C4orf17: variants seen among roughly 807,000 people sequenced by gnomAD.
C4orf17 encodes the protein chromosome 4 open reading frame 17.
A neutral mutation model predicts 32.0 loss-of-function variants in C4orf17; 25 were observed. The observed-to-expected ratio is 0.78, with a 90% CI of 0.57 to 1.09. C4orf17 has a LOEUF of 1.09. C4orf17 is among the 50% of genes least tolerant of loss of function. The pLI, the probability that C4orf17 is intolerant of heterozygous loss-of-function variation, is 0.00. For missense variants in C4orf17, 420 were observed against 420.0 expected (o/e 1.00, Z 0.00); for synonymous variants, 149 against 145.8 (o/e 1.02, Z -0.16).
intron 5 of C4orf17, among the ~76,000 whole-genome samples, chr4:99,531,005 G>T (rs72906789): frequency 0.025 from 3,728 of 151,848 alleles, 152 homozygotes; most frequent in African/African-American, 0.085. Flanking sequence ...CTCTTTATTG[G>T]CTCAGTGATC....
At position 99,513,081 on chromosome 4, in the gene C4orf17, C is replaced by G; in HGVS notation, c.-1C>G. 2 of 1,613,716 alleles carry G rather than the reference C, an allele frequency of 1.2e-6. No homozygotes were observed. Among genetic ancestry groups the G allele is most frequent in the South Asian group, 2.2e-5 (2 of 91,068 alleles). ...GAGGGGAAAATAAACACACCACAAA[C>G]ATGAACCTCAACCCCCCGACATCTG... On this transcript the variant is annotated 5_prime_UTR_variant, in exon 2 of 9. Coordinates refer to ENST00000326581, the MANE Select transcript of C4orf17 (RefSeq NM_032149.3).
intron 4 of C4orf17, among the ~76,000 whole-genome samples, chr4:99,527,638 T>C (rs1213971495): frequency 6.6e-6 from 1 of 152,218 alleles, no homozygotes; most frequent in East Asian, 1.9e-4. Flanking sequence ...CTAATGCCAC[T>C]GCTGATCTGA....
intron 4 of C4orf17, among the ~76,000 whole-genome samples, chr4:99,524,975 A>T (rs989660235): frequency 5.9e-5 from 9 of 152,302 alleles, no homozygotes; most frequent in Admixed American, 4.6e-4. Context: ...ACTCAGCATG[A>T]TTATTTTAAG....
intron 3 of C4orf17, among the ~76,000 whole-genome samples, chr4:99,524,228 G>A (rs181025667): frequency 7.9e-4 from 120 of 152,068 alleles, no homozygotes; most frequent in Admixed American, 2.2e-3. Flanking sequence ...TGATCCGCCC[G>A]CCTTGGCCTC....
At chr4:99,532,005 G>GT (rs1320039865) in intron 5 of C4orf17, among the ~76,000 whole-genome samples, 1 of 152,072 alleles carries the variant, frequency 6.6e-6, no homozygotes, top group Admixed American at 6.6e-5. Context: ...ACATAATTCC[G>GT]TGTCTATTAG....
At chr4:99,528,403 C>T (rs1211693277) in intron 4 of C4orf17, among the ~76,000 whole-genome samples, 1 of 151,982 alleles carries the variant, frequency 6.6e-6, no homozygotes, top group Admixed American at 6.6e-5. Context: ...CTCATTTTAT[C>T]TTTCTAATAT....
At chr4:99,515,453 C>A (rs1339447899) in intron 2 of C4orf17, among the ~76,000 whole-genome samples, 1 of 152,064 alleles carries the variant, frequency 6.6e-6, no homozygotes, top group Non-Finnish European at 1.5e-5. Flanking sequence ...GAACAGGAAA[C>A]CAAATATCAC....
chr4:99,527,697 A>G (rs1027195318), intron 4 of C4orf17, among the ~76,000 whole-genome samples: 1 of 152,206 alleles, frequency 6.6e-6, no homozygotes, highest in Non-Finnish European at 1.5e-5. Flanking sequence ...CCCACTGCTC[A>G]CATTCTGCTG....
intron 8 of C4orf17, chr4:99,540,762 A>G (rs1014112246): frequency 1.4e-5 from 3 of 209,726 alleles, no homozygotes; most frequent in African/African-American, 6.9e-5. Flanking sequence ...TGACCTAACA[A>G]AAGGACAATG....
chr4:99,540,276 GC>G, intron 7 of C4orf17, 135 bp from the exon 8 acceptor site: 1 of 541,354 alleles, frequency 1.8e-6, no homozygotes, highest in East Asian at 2.9e-5. Context: ...AATACTGTAT[GC>G]ATTAAAAAAA....
In C4orf17 at chr4:99,514,474, T is replaced by G. The variant is rs114324608; in HGVS notation, c.127+1266T>G. Among the ~76,000 whole-genome samples, 614 of 152,018 alleles carry G rather than the reference T, an allele frequency of 4.0e-3. 2 individuals are homozygous for G. Among genetic ancestry groups the G allele is most frequent in the African/African-American group, 0.014 (590 of 41,442 alleles). On this transcript the variant is annotated intron_variant, in intron 2 of 8. Transcript: ENST00000326581. The stretch of plus-strand genomic sequence containing the variant: ...GGAATAGAAAATTCTCAAAAGAAGA[T>G]CTACAGACAGCCAACAAATGTGAAA...
chr4:99,516,853 G>T (rs1723196114), intron 2 of C4orf17, among the ~76,000 whole-genome samples: 2 of 152,090 alleles, frequency 1.3e-5, no homozygotes, highest in Non-Finnish European at 2.9e-5. Context: ...TCTCCTCGGG[G>T]CCCCTCTTCA....
At position 99,511,362 on chromosome 4, in the gene C4orf17, G is replaced by A. The variant is rs1424343335; in HGVS notation, c.-94+90G>A. 4 of 151,486 alleles carry A rather than the reference G, an allele frequency of 2.6e-5. No homozygotes were observed. The South Asian group carries it at 8.3e-4, about 31-fold the overall frequency. The allele number at this position is 151,486 out of a possible 1,614,324, so 9.4% of individuals were successfully genotyped here. A position where few individuals can be genotyped will look rare whatever the true frequency, so the allele number is the denominator to read the frequency against. ...CCTCAAGTTCATTCTTTTTTCAAGA[G>A]TATGTGAAAGCCAAATAAGTCTGTT... On this transcript the variant is annotated intron_variant, in intron 1 of 8. Coordinates refer to ENST00000326581, the MANE Select transcript of C4orf17 (RefSeq NM_032149.3).
At chr4:99,518,034 C>T (rs1723215349) in intron 2 of C4orf17, among the ~76,000 whole-genome samples, 1 of 152,054 alleles carries the variant, frequency 6.6e-6, no homozygotes, top group African/African-American at 2.4e-5. Flanking sequence ...ATTCTCTTTC[C>T]CTTCCAATAC....
chr4:99,540,254 G>T (rs888310607), intron 7 of C4orf17, among the ~76,000 whole-genome samples, 158 bp from the exon 8 acceptor site: 15 of 151,806 alleles, frequency 9.9e-5, no homozygotes, highest in Non-Finnish European at 1.8e-4. Flanking sequence ...TTTTTCATTG[G>T]GAAGTAAATT....
At chr4:99,526,652 T>C (rs1193559408) in intron 4 of C4orf17, among the ~76,000 whole-genome samples, 1 of 55,248 alleles carries the variant, frequency 1.8e-5, no homozygotes, top group Non-Finnish European at 3.2e-5. Context: ...TTTTCTTTTC[T>C]TTTTTTTTTT....
In C4orf17 at chr4:99,517,344, G is replaced by A. The variant is rs1723204963; in HGVS notation, c.127+4136G>A. Among the ~76,000 whole-genome samples, 5 of 152,120 alleles carry A rather than the reference G, an allele frequency of 3.3e-5. No individual in the cohort carries two copies. In the South Asian group the frequency reaches 1.0e-3, roughly 32 times the overall value. ...AGGGGAATGGATTCAATCTTCCCCA[G>A]AACATATTGCTGCAGGGGCTGCAGG... is the stretch of plus-strand genomic sequence containing the variant. On this transcript the variant is annotated intron_variant, in intron 2 of 8. Transcript: ENST00000326581.
chr4:99,527,078 A>G (rs998910803), intron 4 of C4orf17, among the ~76,000 whole-genome samples: 9 of 151,862 alleles, frequency 5.9e-5, no homozygotes, highest in African/African-American at 2.2e-4. Flanking sequence ...GCATCCCCCA[A>G]TTTTACTGTG....
At chr4:99,527,712 G>T (rs1206615971) in intron 4 of C4orf17, among the ~76,000 whole-genome samples, 1 of 152,230 alleles carries the variant, frequency 6.6e-6, no homozygotes, top group East Asian at 1.9e-4. Context: ...CTGCTGTGCA[G>T]CAGGTTGTGG....
Sources: allele counts gnomAD v4.1 joint callset (sites outside exome capture counted in the v4.1 genomes callset), GRCh38; gene constraint gnomAD v4.1.1; transcripts MANE v1.5; gene names NCBI Gene and HGNC (gene_info 2026-07-23, HGNC 2026-07-21).